Variants in WDR7 observed in about 807,000 individuals in gnomAD.
WDR7 encodes the protein WD repeat domain 7, also known as WD repeat-containing protein 7.
WDR7 carries 46 observed loss-of-function variants against 169.4 expected under a neutral mutation model. The observed-to-expected ratio is 0.27, with a 90% CI of 0.21 to 0.35. The LOEUF (loss-of-function observed/expected upper bound fraction) is 0.35, where lower values mean the gene tolerates loss of function less well. Among genes scored for constraint, WDR7 ranks in the 10% least tolerant of loss-of-function variants. The probability of loss-of-function intolerance (pLI) is 1.00; values close to 1 mark genes in which losing one functional copy is unlikely to be tolerated. For synonymous variants in WDR7, 612 were observed against 666.8 expected, an observed-to-expected ratio of 0.92 and a Z score of 1.27; for missense variants, 1,534 against 1,859.3, an observed-to-expected ratio of 0.83 and a Z score of 3.22.
At chr18:56,701,022 A>G (rs910990872) in intron 12 of WDR7, among the ~76,000 whole-genome samples, 11 of 152,252 alleles carry the variant, frequency 7.2e-5, no homozygotes, top group Non-Finnish European at 1.5e-4. Flanking sequence ...TTTAAGATAT[A>G]AAATTTTGAA....
chr18:56,988,661 AGTT>A (rs2047763976), intron 26 of WDR7, among the ~76,000 whole-genome samples: 1 of 149,566 alleles, frequency 6.7e-6, no homozygotes, highest in African/African-American at 2.5e-5. Context: ...ATTTTGCAGC[AGTT>A]AATAGACCCT....
intron 20 of WDR7, among the ~76,000 whole-genome samples, chr18:56,871,239 A>G (rs2045948751): frequency 6.6e-6 from 1 of 152,196 alleles, no homozygotes; most frequent in Non-Finnish European, 1.5e-5. Flanking sequence ...CACTTTGCTA[A>G]GTTTGCTCTT....
At chr18:56,893,925 C>G (rs974624647) in intron 21 of WDR7, among the ~76,000 whole-genome samples, 1 of 151,984 alleles carries the variant, frequency 6.6e-6, no homozygotes, top group Non-Finnish European at 1.5e-5. Context: ...TGTTATATAG[C>G]CTTCAAAAAC....
At chr18:56,776,690 T>A in intron 16 of WDR7, 92 bp from the exon 17 acceptor site, 2 of 1,075,130 alleles carry the variant, frequency 1.9e-6, no homozygotes, top group South Asian at 2.6e-5. Flanking sequence ...TTGCCTACTT[T>A]GTTTTTCATT....
rs2043902776 is a variant in WDR7, at chr18:56,757,041, G to T, written c.2448G>T (p.Leu816=). The T allele has an allele frequency of 1.4e-5, 23 of 1,614,148 alleles. No homozygotes were observed. Among genetic ancestry groups the T allele is most frequent in the African/African-American group, 2.7e-5 (2 of 75,026 alleles). Residue 816 remains leucine, a synonymous_variant, in exon 15 of 28, where the codon CTG becomes CTT. Coordinates refer to ENST00000254442, the MANE Select transcript of WDR7 (RefSeq NM_015285.3). ...CLHAWGLNEV[L]DEVCLDRLGM... is the part of the protein sequence containing the mutation. ...ACGCCTGGGGTTTGAATGAAGTACT[G>T]GATGAAGTTTGCCTGGATCGCCTTG...
chr18:56,913,118 C>T (rs575464292), intron 21 of WDR7, among the ~76,000 whole-genome samples: 1 of 152,222 alleles, frequency 6.6e-6, no homozygotes, highest in African/African-American at 2.4e-5. Flanking sequence ...AAACGATCCT[C>T]TCACCTCAGG....
chr18:56,797,229 A>C (rs8093297), intron 19 of WDR7, among the ~76,000 whole-genome samples: 1 of 152,108 alleles, frequency 6.6e-6, no homozygotes, highest in Non-Finnish European at 1.5e-5. Context: ...CTAAGGATGC[A>C]CTTTCTTCTA....
chr18:56,687,418 T>G (rs2025464997), intron 7 of WDR7, among the ~76,000 whole-genome samples: 3 of 152,214 alleles, frequency 2.0e-5, no homozygotes, highest in African/African-American at 4.8e-5. Context: ...TTGCCAGACT[T>G]TAATATTTCC....
At chr18:56,762,974 T>C (rs1179206666) in intron 16 of WDR7, among the ~76,000 whole-genome samples, 1 of 151,894 alleles carries the variant, frequency 6.6e-6, no homozygotes. Flanking sequence ...TTTTGTTTTG[T>C]TTTTGAGATG....
At chr18:57,010,989 T>G (rs1165927548) in intron 26 of WDR7, among the ~76,000 whole-genome samples, 1 of 152,202 alleles carries the variant, frequency 6.6e-6, no homozygotes, top group Non-Finnish European at 1.5e-5. Flanking sequence ...TATTCTCTAT[T>G]TTTCTATTCA....
chr18:56,850,367 A>C (rs2045623663), intron 20 of WDR7, among the ~76,000 whole-genome samples: 1 of 152,210 alleles, frequency 6.6e-6, no homozygotes, highest in Admixed American at 6.5e-5. Flanking sequence ...GCAGCACCTG[A>C]AAACTGGTAG....
rs142489207 is a variant in WDR7 at position 56,684,415 on chromosome 18, T to G, written c.521-1541T>G. On this transcript the variant is annotated intron_variant, in intron 5 of 27. Coordinates refer to ENST00000254442, the MANE Select transcript of WDR7 (RefSeq NM_015285.3). The stretch of plus-strand genomic sequence containing the variant: ...GTTTCAACTACTCAACTCTGCTGTT[T>G]TAGCACAAAAACAGCCGCAGACAAT... 2.8e-3 allele frequency among the ~76,000 whole-genome samples: 421 copies of G among 152,290 alleles called. 4 individuals are homozygous for G. In the East Asian group the frequency reaches 0.038, roughly 14 times the overall value.
chr18:56,833,793 C>A (rs569479591), intron 20 of WDR7, among the ~76,000 whole-genome samples: 1 of 152,284 alleles, frequency 6.6e-6, no homozygotes, highest in South Asian at 2.1e-4. Context: ...ATCCTTCATA[C>A]CACATCACTG....
chr18:56,699,076 T>A (rs1156562653), intron 12 of WDR7, among the ~76,000 whole-genome samples: 1 of 152,084 alleles, frequency 6.6e-6, no homozygotes, highest in African/African-American at 2.4e-5. Flanking sequence ...AAAAAAGAAA[T>A]TTTAAAATTC....
chr18:56,738,446 T>A (rs2026748689), intron 14 of WDR7, among the ~76,000 whole-genome samples: 1 of 152,112 alleles, frequency 6.6e-6, no homozygotes, highest in Non-Finnish European at 1.5e-5. Flanking sequence ...TGGTCCCAGC[T>A]GCTCTAGGGG....
intron 26 of WDR7, among the ~76,000 whole-genome samples, chr18:57,014,248 C>T (rs760106558): frequency 1.3e-5 from 2 of 150,728 alleles, no homozygotes; most frequent in African/African-American, 4.9e-5. Flanking sequence ...ATCACTTGAA[C>T]CTTGGAGGCA....
At chr18:56,965,618 A>G (rs1469477230) in intron 26 of WDR7, among the ~76,000 whole-genome samples, 1 of 152,178 alleles carries the variant, frequency 6.6e-6, no homozygotes, top group Non-Finnish European at 1.5e-5. Flanking sequence ...TTATTCGAAC[A>G]CAGGCACACA....
intron 1 of WDR7, among the ~76,000 whole-genome samples, chr18:56,672,230 A>C (rs935534148): frequency 4.6e-5 from 7 of 152,192 alleles, no homozygotes; most frequent in Non-Finnish European, 8.8e-5. Flanking sequence ...AAAACTGTGA[A>C]TGCCTGGGGT....
chr18:56,652,376 CTCTT>C (rs1316199162), intron 1 of WDR7, among the ~76,000 whole-genome samples: 1 of 152,188 alleles, frequency 6.6e-6, no homozygotes, highest in Non-Finnish European at 1.5e-5. Flanking sequence ...GGCAAACTGA[CTCTT>C]TCAGGTGTTT....
Sources: allele counts gnomAD v4.1 joint callset (sites outside exome capture counted in the v4.1 genomes callset), GRCh38; gene constraint gnomAD v4.1.1; transcripts MANE v1.5; gene names NCBI Gene and HGNC (gene_info 2026-07-23, HGNC 2026-07-21).